The following CWF19L2 variants were observed in gnomAD, a reference collection of about 807,000 sequenced individuals.
The protein encoded by CWF19L2 is CWF19 like cell cycle control factor 2, also known as CWF19-like protein 2.
CWF19L2 carries 98 observed loss-of-function variants against 111.7 expected under a neutral mutation model. The ratio of observed to expected loss-of-function variants is 0.88; its 90% CI spans 0.75 to 1.04. The LOEUF (loss-of-function observed/expected upper bound fraction) is 1.04. CWF19L2 is among the 50% of genes least tolerant of loss of function. CWF19L2 has a pLI of 0.00. For missense variants in CWF19L2, 1,101 were observed against 1,051.4 expected, an observed-to-expected ratio of 1.05 and a Z score of -0.65; for synonymous variants, 351 against 342.9, an observed-to-expected ratio of 1.02 and a Z score of -0.26.
chr11:107,420,957 T>C (rs1276931682), intron 8 of CWF19L2, among the ~76,000 whole-genome samples: 2 of 151,726 alleles, frequency 1.3e-5, no homozygotes, highest in Admixed American at 6.6e-5. Flanking sequence ...CAAATGGACA[T>C]CCATAGAACA....
intron 12 of CWF19L2, among the ~76,000 whole-genome samples, chr11:107,357,056 C>CAAAAAA (rs1167224562): frequency 1.3e-5 from 2 of 151,882 alleles, no homozygotes; most frequent in African/African-American, 2.4e-5. Context: ...AAAACAAAAA[C>CAAAAAA]AAAAACAAAA....
intron 5 of CWF19L2, among the ~76,000 whole-genome samples, 187 bp from the exon 6 acceptor site, chr11:107,439,370 T>C (rs571594193): frequency 6.6e-5 from 10 of 152,238 alleles, no homozygotes; most frequent in African/African-American, 2.4e-4. Flanking sequence ...ATGTTCTTAT[T>C]TAATGCCTAC....
chr11:107,455,087 G>A (rs148680462), intron 2 of CWF19L2, among the ~76,000 whole-genome samples: 1,538 of 152,116 alleles, frequency 0.01, 24 homozygotes, highest in African/African-American at 0.035. Flanking sequence ...CTAGAAATAA[G>A]TTTTAGTGAT....
At chr11:107,436,590 A>C (rs989983882) in intron 6 of CWF19L2, among the ~76,000 whole-genome samples, 3 of 152,226 alleles carry the variant, frequency 2.0e-5, no homozygotes, top group Admixed American at 2.0e-4. Flanking sequence ...AAGGCAGCCA[A>C]TTTAAACCAC....
At chr11:107,421,198 C>G (rs1010261376) in intron 8 of CWF19L2, among the ~76,000 whole-genome samples, 1 of 151,946 alleles carries the variant, frequency 6.6e-6, no homozygotes, top group Non-Finnish European at 1.5e-5. Flanking sequence ...GTAAATAACC[C>G]ATGGGTCAAA....
Position 107,404,363 on chromosome 11 carries a change from T to C in CWF19L2, c.1618-11468A>G, listed in dbSNP as rs1591185873. ...TACTTGGTCCCAGACCTTTCAGCTG[T>C]ACCTCATGTAGGGCATCAGCAGCTT... On this transcript the variant is annotated intron_variant, in intron 10 of 17. Transcript: ENST00000282251. 6.4e-6 allele frequency: 5 copies of C among 786,164 alleles called. No homozygotes were observed. The East Asian group carries it at 1.2e-4, about 19-fold the overall frequency. The allele number at this position is 786,164 out of a possible 1,614,324, so 48.7% of individuals were successfully genotyped here.
intron 13 of CWF19L2, among the ~76,000 whole-genome samples, chr11:107,352,135 A>G (rs972322278): frequency 6.6e-5 from 10 of 152,178 alleles, no homozygotes; most frequent in Non-Finnish European, 1.0e-4. Flanking sequence ...TGTAAACCTC[A>G]GTGTCTTTGC....
At chr11:107,386,554 G>C (rs1386711171) in intron 12 of CWF19L2, among the ~76,000 whole-genome samples, 1 of 152,000 alleles carries the variant, frequency 6.6e-6, no homozygotes, top group Admixed American at 6.6e-5. Flanking sequence ...CATCTTCAAA[G>C]ATTTTCCTCA....
intron 12 of CWF19L2, among the ~76,000 whole-genome samples, chr11:107,357,423 G>A (rs531797730): frequency 2.4e-4 from 37 of 152,254 alleles, no homozygotes; most frequent in African/African-American, 8.4e-4. Flanking sequence ...ATACATAATT[G>A]TGCCTTCATA....
intron 14 of CWF19L2, among the ~76,000 whole-genome samples, chr11:107,341,739 G>A (rs1334312828): frequency 6.6e-6 from 1 of 152,088 alleles, no homozygotes; most frequent in Non-Finnish European, 1.5e-5. Flanking sequence ...TTTTTTAGAA[G>A]TTTTACATTA....
At chr11:107,331,916 G>C (rs1386829032) in intron 16 of CWF19L2, among the ~76,000 whole-genome samples, 2 of 152,238 alleles carry the variant, frequency 1.3e-5, no homozygotes, top group Admixed American at 1.3e-4. Flanking sequence ...TAGTATCAAA[G>C]TGTATGTACA....
intron 10 of CWF19L2, among the ~76,000 whole-genome samples, chr11:107,394,717 T>A (rs1860897599): frequency 6.6e-6 from 1 of 152,168 alleles, no homozygotes; most frequent in African/African-American, 2.4e-5. Flanking sequence ...ATTATTAATA[T>A]AAACAAAGTC....
intron 8 of CWF19L2, among the ~76,000 whole-genome samples, chr11:107,421,421 T>C (rs1056967594): frequency 8.0e-5 from 12 of 150,850 alleles, no homozygotes; most frequent in Non-Finnish European, 1.8e-4. Flanking sequence ...AAATAGAAAA[T>C]AGAAAAACAA....
At chr11:107,402,483 T>A (rs1861015025) in intron 10 of CWF19L2, among the ~76,000 whole-genome samples, 1 of 151,354 alleles carries the variant, frequency 6.6e-6, no homozygotes. Context: ...GAAAAAATGC[T>A]CAACATCACT....
intron 17 of CWF19L2, among the ~76,000 whole-genome samples, chr11:107,327,810 A>G (rs551374924): frequency 6.6e-6 from 1 of 152,274 alleles, no homozygotes; most frequent in East Asian, 1.9e-4. Flanking sequence ...AACAAAGCAA[A>G]AAACAAAAAA....
rs138792527 is a variant in CWF19L2, at chr11:107,425,179, A to AACACACACACAC, written c.1433+3608_1433+3619dup. On this transcript the variant is annotated intron_variant, in intron 8 of 17. Transcript: ENST00000282251. Reference sequence around the variant, plus strand: ...TCACATTAAAATGTACTCTCTTTGAAACACACACACACACACACACACACA... The same window carrying AACACACACACAC: ...TCACATTAAAATGTACTCTCTTTGAAACACACACACACACACACACACACACACACACACACA... 8.1e-4 allele frequency among the ~76,000 whole-genome samples: 118 copies of AACACACACACAC among 144,936 alleles called. 1 individual carries two copies. The highest frequency in any genetic ancestry group is 2.4e-3 in the African/African-American group (96 of 39,766).
At chr11:107,333,193 T>C (rs1483133409) in intron 16 of CWF19L2, among the ~76,000 whole-genome samples, 4 of 152,158 alleles carry the variant, frequency 2.6e-5, no homozygotes, top group Middle Eastern at 3.2e-3. Context: ...GATGCCTTAA[T>C]AAAGGCAATT....
chr11:107,349,083 GTTA>G, intron 13 of CWF19L2, 30 bp from the exon 14 acceptor site: 3 of 1,142,944 alleles, frequency 2.6e-6, no homozygotes, highest in East Asian at 5.0e-5. Context: ...AAGGTGAAAT[GTTA>G]TTGTTATTTA....
At chr11:107,389,926 T>G (rs1249656497) in intron 12 of CWF19L2, 148 bp downstream of exon 12, 1 of 642,850 alleles carries the variant, frequency 1.6e-6, no homozygotes, top group African/African-American at 1.9e-5. Context: ...AATTCCAAAA[T>G]GCATGTTTCT....
Sources: gnomAD v4.1 joint callset for allele counts (sites outside exome capture counted in the v4.1 genomes callset) on GRCh38, gnomAD v4.1.1 for gene constraint, MANE v1.5 for transcripts, NCBI Gene and HGNC (gene_info 2026-07-23, HGNC 2026-07-21) for gene names.